Variants in RPS6KC1 observed in about 807,000 individuals in gnomAD.
RPS6KC1 encodes the protein ribosomal protein S6 kinase C1.
A neutral mutation model predicts 103.8 loss-of-function variants in RPS6KC1; 54 were observed. The ratio of observed to expected loss-of-function variants is 0.52; its 90% CI spans 0.42 to 0.65. The LOEUF is 0.65. Ranked by LOEUF, RPS6KC1 falls within the 30% of genes least tolerant of loss-of-function variation. The pLI is 0.00. For synonymous variants in RPS6KC1, 439 were observed against 438.7 expected, an observed-to-expected ratio of 1.00 and a Z score of -0.01; for missense variants, 1,151 against 1,253.8, an observed-to-expected ratio of 0.92 and a Z score of 1.24.
intron 3 of RPS6KC1, among the ~76,000 whole-genome samples, chr1:213,096,357 C>T (rs1410949552): frequency 6.6e-6 from 1 of 152,100 alleles, no homozygotes; most frequent in Admixed American, 6.5e-5. Context: ...TTGAACCCCT[C>T]AAAGTCATCC....
chr1:213,571,541 C>A, the RPS6KC1 span, among the ~76,000 whole-genome samples: 27 of 152,288 alleles, frequency 1.8e-4, no homozygotes, highest in African/African-American at 6.5e-4. Flanking sequence ...TGGCCATTCC[C>A]CAGGCTCTAT....
At chr1:213,058,593 A>C (rs992023671) in intron 1 of RPS6KC1, among the ~76,000 whole-genome samples, 11 of 152,156 alleles carry the variant, frequency 7.2e-5, no homozygotes, top group African/African-American at 2.4e-4. Context: ...TCAATTGACT[A>C]TATATGTGTA....
At chr1:213,705,567 C>G in the RPS6KC1 span, among the ~76,000 whole-genome samples, 1 of 152,238 alleles carries the variant, frequency 6.6e-6, no homozygotes, top group African/African-American at 2.4e-5. Context: ...CATCCAAGAG[C>G]CAAGTCCTGG....
At chr1:213,078,464 C>T (rs888289923) in intron 3 of RPS6KC1, among the ~76,000 whole-genome samples, 15 of 152,134 alleles carry the variant, frequency 9.9e-5, no homozygotes, top group Admixed American at 5.2e-4. Flanking sequence ...TATAGTGGCA[C>T]GATCTTGGCT....
the RPS6KC1 span, among the ~76,000 whole-genome samples, chr1:213,769,991 G>A: frequency 0.051 from 7,751 of 152,190 alleles, 243 homozygotes; most frequent in Middle Eastern, 0.078. Flanking sequence ...GATGAGTCTC[G>A]AGGTCCAACA....
the RPS6KC1 span, among the ~76,000 whole-genome samples, chr1:213,711,612 C>T: frequency 2.0e-5 from 3 of 152,062 alleles, no homozygotes; most frequent in Non-Finnish European, 4.4e-5. Context: ...GAAATTTTCA[C>T]CCTTTTTGTG....
intron 10 of RPS6KC1, among the ~76,000 whole-genome samples, chr1:213,238,858 A>G (rs2094288005): frequency 6.6e-6 from 1 of 152,140 alleles, no homozygotes; most frequent in Non-Finnish European, 1.5e-5. Context: ...CCTTTCCTCA[A>G]AGTAGTCATC....
chr1:213,386,674 G>A, the RPS6KC1 span, among the ~76,000 whole-genome samples: 3 of 152,234 alleles, frequency 2.0e-5, no homozygotes, highest in South Asian at 2.1e-4. Flanking sequence ...TGGGGGACTC[G>A]GTAGGGATTT....
At chr1:213,685,679 C>T in the RPS6KC1 span, among the ~76,000 whole-genome samples, 1 of 150,894 alleles carries the variant, frequency 6.6e-6, no homozygotes, top group Non-Finnish European at 1.5e-5. Context: ...CTACATCGCA[C>T]ATTTATTATG....
chr1:213,627,714 C>A, the RPS6KC1 span, among the ~76,000 whole-genome samples: 3 of 152,078 alleles, frequency 2.0e-5, no homozygotes, highest in Non-Finnish European at 4.4e-5. Flanking sequence ...TGTTTATATG[C>A]TGGATTATGT....
chr1:213,472,943 T>G, the RPS6KC1 span, among the ~76,000 whole-genome samples: 2 of 152,266 alleles, frequency 1.3e-5, no homozygotes, highest in Admixed American at 6.5e-5. Flanking sequence ...AAACATCCCC[T>G]TGAATGTTAT....
chr1:213,217,042 A>G (rs2093684110), intron 8 of RPS6KC1, among the ~76,000 whole-genome samples: 1 of 151,754 alleles, frequency 6.6e-6, no homozygotes, highest in South Asian at 2.1e-4. Flanking sequence ...TGAAGGAGAT[A>G]GAGACACAAA....
In RPS6KC1 at chr1:213,131,042, A is replaced by G. The variant is rs1181024326; in HGVS notation, c.835+1153A>G. On this transcript the variant is annotated intron_variant, in intron 6 of 14. Coordinates refer to ENST00000366960, the MANE Select transcript of RPS6KC1 (RefSeq NM_012424.6). ...AGAAATTTTTGACTGCCATGTTAAT[A>G]GAGTTTCTGGAGGGAGAATAGCTAA... Among the ~76,000 whole-genome samples the G allele has an allele frequency of 2.6e-5, 4 of 152,118 alleles. No homozygotes were observed. In the East Asian group the frequency reaches 7.7e-4, roughly 29 times the overall value.
the RPS6KC1 span, among the ~76,000 whole-genome samples, chr1:213,845,786 T>C: frequency 6.6e-6 from 1 of 152,144 alleles, no homozygotes; most frequent in East Asian, 1.9e-4. Context: ...TGCCTCAATT[T>C]TCACATGTGA....
chr1:213,685,939 A>AT, the RPS6KC1 span, among the ~76,000 whole-genome samples: 66 of 151,932 alleles, frequency 4.3e-4, no homozygotes, highest in African/African-American at 5.5e-4. Flanking sequence ...TGCCTCAGTG[A>AT]TTTTTTTTTG....
chr1:213,190,933 C>A (rs566856369), intron 8 of RPS6KC1, among the ~76,000 whole-genome samples: 3 of 152,054 alleles, frequency 2.0e-5, no homozygotes, highest in Admixed American at 6.5e-5. Flanking sequence ...TTCTTGGCAC[C>A]TTTTGTCAAA....
chr1:213,289,320 G>A, the RPS6KC1 span, among the ~76,000 whole-genome samples: 1 of 150,254 alleles, frequency 6.7e-6, no homozygotes, highest in Non-Finnish European at 1.5e-5. Flanking sequence ...ACCTGGAATG[G>A]AGATGATTTA....
chr1:213,539,577 G>T, the RPS6KC1 span, among the ~76,000 whole-genome samples: 1 of 152,098 alleles, frequency 6.6e-6, no homozygotes, highest in Non-Finnish European at 1.5e-5. Context: ...GGAAAGTTGC[G>T]GTTGTGCTAT....
At chr1:213,192,841 T>C (rs1429029008) in intron 8 of RPS6KC1, among the ~76,000 whole-genome samples, 1 of 152,210 alleles carries the variant, frequency 6.6e-6, no homozygotes, top group African/African-American at 2.4e-5. Flanking sequence ...AGGTGTAAAC[T>C]GCCCTCAGTA....
Sources: allele counts gnomAD v4.1 joint callset (sites outside exome capture counted in the v4.1 genomes callset), GRCh38; gene constraint gnomAD v4.1.1; transcripts MANE v1.5; gene names NCBI Gene and HGNC (gene_info 2026-07-23, HGNC 2026-07-21).